The following PDE8B variants were observed in gnomAD, a reference collection of about 807,000 sequenced individuals.
PDE8B encodes the protein high affinity cAMP-specific and IBMX-insensitive 3',5'-cyclic phosphodiesterase 8B.
Under a neutral mutation model 101.3 loss-of-function variants are expected in PDE8B, and 26 were observed. The ratio of observed to expected loss-of-function variants is 0.26; its 90% CI spans 0.19 to 0.36. The LOEUF (loss-of-function observed/expected upper bound fraction) is 0.36. Ranked by LOEUF, PDE8B falls within the 10% of genes least tolerant of loss-of-function variation. The pLI, the probability that PDE8B is intolerant of heterozygous loss-of-function variation, is 1.00. For synonymous variants in PDE8B, 424 were observed against 429.3 expected (o/e 0.99, Z 0.15); for missense variants, 810 against 1,163.1 (o/e 0.70, Z 4.42).
chr5:77,234,722 G>A (rs1385220173), intron 1 of PDE8B, among the ~76,000 whole-genome samples: 2 of 152,058 alleles, frequency 1.3e-5, no homozygotes, highest in African/African-American at 2.4e-5. Flanking sequence ...GACCCCTGAC[G>A]TCCAGACCAG....
intron 1 of PDE8B, among the ~76,000 whole-genome samples, chr5:77,266,711 G>A (rs569244896): frequency 6.6e-6 from 1 of 152,262 alleles, no homozygotes; most frequent in East Asian, 1.9e-4. Context: ...CAATATTTAT[G>A]AATTCAGTGT....
the PDE8B span, among the ~76,000 whole-genome samples, chr5:77,120,319 C>T: frequency 6.6e-6 from 1 of 152,334 alleles, no homozygotes; most frequent in East Asian, 1.9e-4. Context: ...TCCTCTACAT[C>T]TTCAAAGGAG....
chr5:77,289,374 C>T (rs1766766167), intron 1 of PDE8B, among the ~76,000 whole-genome samples: 1 of 152,082 alleles, frequency 6.6e-6, no homozygotes, highest in Non-Finnish European at 1.5e-5. Flanking sequence ...AGGTTCTTAC[C>T]TTAAATTTTA....
chr5:77,197,597 A>G, the PDE8B span, among the ~76,000 whole-genome samples: 2 of 151,964 alleles, frequency 1.3e-5, no homozygotes, highest in South Asian at 2.1e-4. Flanking sequence ...CTGTTCTAAC[A>G]TAAGCTTTTA....
At chr5:77,290,682 C>T (rs1767098458) in intron 1 of PDE8B, 4 of 1,505,218 alleles carry the variant, frequency 2.7e-6, no homozygotes, top group Admixed American at 1.7e-5. Context: ...GATTGGAGGA[C>T]CTATCTTGCC....
At chr5:77,151,747 C>G in the PDE8B span, 1 of 152,230 alleles carries the variant, frequency 6.6e-6, no homozygotes, top group Non-Finnish European at 1.5e-5. Flanking sequence ...CACTTCACCA[C>G]CACTCCCCAC....
chr5:77,149,879 C>A, the PDE8B span, among the ~76,000 whole-genome samples: 44 of 152,278 alleles, frequency 2.9e-4, no homozygotes, highest in Non-Finnish European at 5.7e-4. Context: ...ATTGGTCAAA[C>A]CCTCACCTGG....
At chr5:77,375,078 C>T (rs1340264991) in intron 10 of PDE8B, among the ~76,000 whole-genome samples, 3 of 152,174 alleles carry the variant, frequency 2.0e-5, no homozygotes, top group Admixed American at 6.6e-5. Context: ...TCCCAGGAAA[C>T]TTTTACAATA....
At chr5:77,425,737 C>T in intron 20 of PDE8B, 30 bp from the exon 21 acceptor site, 4 of 1,611,664 alleles carry the variant, frequency 2.5e-6, no homozygotes, top group Non-Finnish European at 3.4e-6. Context: ...CGCATGTCCT[C>T]CAGCCCTATG....
chr5:77,090,804 T>C, the PDE8B span, among the ~76,000 whole-genome samples: 4 of 152,328 alleles, frequency 2.6e-5, no homozygotes, highest in South Asian at 8.3e-4. Flanking sequence ...TCTTTTTTTA[T>C]TCATCAGTTG....
In PDE8B at chr5:77,327,215, C is replaced by T. The variant is rs575815027; in HGVS notation, c.590+1486C>T. Among the ~76,000 whole-genome samples the T allele has an allele frequency of 3.3e-5, 5 of 152,296 alleles. No individual in the cohort carries two copies. The South Asian group carries it at 1.0e-3, about 32-fold the overall frequency. On this transcript the variant is annotated intron_variant, in intron 3 of 21. Transcript: ENST00000264917. ...TTTGTTGTCACCTGTGGTGCTAGAT[C>T]CCTCACCCTTGAGCTAGGACTGGAC...
chr5:77,328,614 A>G (rs1468012200), intron 3 of PDE8B, among the ~76,000 whole-genome samples: 1 of 152,224 alleles, frequency 6.6e-6, no homozygotes, highest in Non-Finnish European at 1.5e-5. Context: ...AAGAAAAAAG[A>G]TCAAACCCAG....
chr5:77,195,906 G>C, the PDE8B span, among the ~76,000 whole-genome samples: 1 of 152,192 alleles, frequency 6.6e-6, no homozygotes, highest in African/African-American at 2.4e-5. Flanking sequence ...AGGGGTGGCA[G>C]AGGCAGAAGA....
chr5:77,123,356 T>TCCCCCCCCCC, the PDE8B span, among the ~76,000 whole-genome samples: 31 of 145,942 alleles, frequency 2.1e-4, no homozygotes, highest in East Asian at 6.2e-4. Flanking sequence ...GTTGAATTCC[T>TCCCCCCCCCC]CCCCCACCGC....
At chr5:77,331,321 T>A (rs1033701499) in intron 4 of PDE8B, 81 bp from the exon 5 acceptor site, 68 of 1,248,658 alleles carry the variant, frequency 5.4e-5, no homozygotes, top group Non-Finnish European at 6.4e-5. Context: ...CTGTGTGGCC[T>A]CATTGCTCTC....
At chr5:77,129,201 G>C in the PDE8B span, among the ~76,000 whole-genome samples, 1 of 152,202 alleles carries the variant, frequency 6.6e-6, no homozygotes, top group Non-Finnish European at 1.5e-5. Context: ...AAGGAGGACA[G>C]ATGTGATTAT....
At chr5:77,299,075 T>C (rs971082803) in intron 1 of PDE8B, among the ~76,000 whole-genome samples, 1 of 152,200 alleles carries the variant, frequency 6.6e-6, no homozygotes, top group African/African-American at 2.4e-5. Context: ...CTCCTGGCCC[T>C]ATCTCTGCAC....
the PDE8B span, chr5:77,147,006 A>G: frequency 2.1e-6 from 1 of 470,656 alleles, no homozygotes; most frequent in South Asian, 1.6e-5. Flanking sequence ...GCCTTATGAA[A>G]AGAAGGCTGT....
At chr5:77,190,033 C>T in the PDE8B span, among the ~76,000 whole-genome samples, 1 of 152,168 alleles carries the variant, frequency 6.6e-6, no homozygotes, top group South Asian at 2.1e-4. Flanking sequence ...ATCTCTAAGG[C>T]CCCTTCTAGC....
Sources: allele counts gnomAD v4.1 joint callset (sites outside exome capture counted in the v4.1 genomes callset), GRCh38; gene constraint gnomAD v4.1.1; transcripts MANE v1.5; gene names NCBI Gene and HGNC (gene_info 2026-07-23, HGNC 2026-07-21).